The following ZNF106 variants were observed in gnomAD, a reference collection of about 807,000 sequenced individuals.
ZNF106 encodes the protein SH3-domain binding protein 3.
Under a neutral mutation model 195.1 loss-of-function variants are expected in ZNF106, and 67 were observed. The ratio of observed to expected loss-of-function variants is 0.34; its 90% CI spans 0.28 to 0.42. ZNF106 has a LOEUF of 0.42. Among genes scored for constraint, ZNF106 ranks in the 10% least tolerant of loss-of-function variants. The pLI is 1.00. For missense variants in ZNF106, 2,118 were observed against 2,304.5 expected, an observed-to-expected ratio of 0.92 and a Z score of 1.66; for synonymous variants, 784 against 818.6, an observed-to-expected ratio of 0.96 and a Z score of 0.72.
chr15:42,421,334 A>T lies in ZNF106; in HGVS notation c.5446-202T>A, dbSNP rs183219001. On this transcript the variant is annotated intron_variant, in intron 19 of 21. Coordinates refer to ENST00000564754, the MANE Select transcript of ZNF106 (RefSeq NM_001366845.3). ...TTGCAGCTGTGCTCCTTAGAAAGCCACTTGGGACCAGGGCAGAGAGGAGTG... is the reference window on the plus strand; with the variant it reads ...TTGCAGCTGTGCTCCTTAGAAAGCCTCTTGGGACCAGGGCAGAGAGGAGTG... Among the ~76,000 whole-genome samples the T allele has an allele frequency of 4.6e-5, 7 of 152,290 alleles. No individual in the cohort carries two copies. In the South Asian group the frequency reaches 6.2e-4, roughly 14 times the overall value.
At chr15:42,446,830 T>A (rs1201101307) in intron 6 of ZNF106, among the ~76,000 whole-genome samples, 172 bp from the exon 7 acceptor site, 1 of 152,128 alleles carries the variant, frequency 6.6e-6, no homozygotes, top group East Asian at 1.9e-4. Context: ...TTTAGTTGAA[T>A]AAACGTATCT....
intron 5 of ZNF106, 117 bp downstream of exon 5, chr15:42,449,654 C>G: frequency 7.4e-7 from 1 of 1,351,956 alleles, no homozygotes; most frequent in Non-Finnish European, 1.0e-6. Context: ...ACATCTACAA[C>G]AGATATTGTT....
intron 14 of ZNF106, among the ~76,000 whole-genome samples, chr15:42,432,318 T>C (rs764683427): frequency 7.9e-5 from 12 of 152,016 alleles, no homozygotes; most frequent in Non-Finnish European, 1.5e-4. Context: ...ATAACCACGC[T>C]TGCCTCATTT....
At chr15:42,448,737 A>C in intron 5 of ZNF106, 32 bp from the exon 6 acceptor site, 1 of 1,560,348 alleles carries the variant, frequency 6.4e-7, no homozygotes, top group Non-Finnish European at 8.6e-7. Flanking sequence ...GAAAACATAA[A>C]TTGGATATGG....
At chr15:42,445,002 G>T in intron 7 of ZNF106, 21 bp from the exon 8 acceptor site, 10 of 1,613,630 alleles carry the variant, frequency 6.2e-6, no homozygotes, top group Non-Finnish European at 8.5e-6. Context: ...AAATCATAAG[G>T]TTCAGGTTAA....
intron 14 of ZNF106, among the ~76,000 whole-genome samples, chr15:42,431,815 T>C (rs1373228806): frequency 3.9e-5 from 6 of 152,272 alleles, no homozygotes; most frequent in African/African-American, 1.2e-4. Flanking sequence ...GGTTTCGCCA[T>C]GTTGGCTAGG....
intron 14 of ZNF106, among the ~76,000 whole-genome samples, chr15:42,434,545 CTTT>C (rs1460858719): frequency 1.3e-5 from 2 of 152,154 alleles, no homozygotes; most frequent in South Asian, 2.1e-4. Context: ...CCTCCCCCTT[CTTT>C]ATGTTCCTGT....
At position 42,428,200 on chromosome 15, in the gene ZNF106, C is replaced by G. The variant is rs571791780; in HGVS notation, c.4882-66G>C. 4,923 of 1,347,710 alleles carry G rather than the reference C, an allele frequency of 3.7e-3. 17 individuals carry two copies. Among genetic ancestry groups the G allele is most frequent in the Non-Finnish European group, 4.4e-3 (4,197 of 955,108 alleles). The allele number at this position is 1,347,710 out of a possible 1,614,324, so 83.5% of individuals were successfully genotyped here. ...GCAAATGAGATGTCAAAAACAATTC[C>G]TCCAGAAAGCAGACTTTAAAATGAC... is the stretch of plus-strand genomic sequence containing the variant. On this transcript the variant is annotated intron_variant, in intron 14 of 21. Transcript: ENST00000564754.
chr15:42,458,541 C>T (rs1390223393), intron 3 of ZNF106, among the ~76,000 whole-genome samples: 5 of 151,944 alleles, frequency 3.3e-5, no homozygotes, highest in African/African-American at 9.7e-5. Context: ...AACCCTATCA[C>T]TACTAAAAAT....
chr15:42,414,635 C>G lies in ZNF106; in HGVS notation c.*2669G>C, dbSNP rs1359803917. 1 of 152,302 alleles carries G rather than the reference C, an allele frequency of 6.6e-6. No individual in the cohort carries two copies. Among genetic ancestry groups the G allele is most frequent in the Non-Finnish European group, 1.5e-5 (1 of 68,066 alleles). 9.4% of individuals were successfully genotyped at this position (152,302 alleles called of 1,614,324 possible). ...GTAATACTCTCAGAAGTTCCCACAA[C>G]TGCCCAACACCTCACCTACCCGTTT... On this transcript the variant is annotated 3_prime_UTR_variant, in exon 22 of 22. Coordinates refer to ENST00000564754, the MANE Select transcript of ZNF106 (RefSeq NM_001366845.3).
intron 10 of ZNF106, 22 bp downstream of exon 10, chr15:42,442,051 A>T: frequency 6.3e-7 from 1 of 1,582,394 alleles, no homozygotes; most frequent in Non-Finnish European, 8.6e-7. Context: ...GATGCCCTTA[A>T]CCCAGAGAAA....
In ZNF106 at chr15:42,448,767, T is replaced by A. The variant is rs985126081; in HGVS notation, c.2502-62A>T. ...ATATGGTTGTTGGGAGGGGCATTAT[T>A]TTTTAATGTGCCAGGCTCTCTCAAG... On this transcript the variant is annotated intron_variant, in intron 5 of 21. Coordinates refer to ENST00000564754, the MANE Select transcript of ZNF106 (RefSeq NM_001366845.3). 17 of 1,501,174 alleles carry A rather than the reference T, an allele frequency of 1.1e-5. No individual in the cohort carries two copies. The African/African-American group carries it at 2.4e-4, about 21-fold the overall frequency. 93.0% of individuals were successfully genotyped at this position (1,501,174 alleles called of 1,614,324 possible).
chr15:42,472,363 T>C, intron 1 of ZNF106, 42 bp from the exon 2 acceptor site: 1 of 1,419,916 alleles, frequency 7.0e-7, no homozygotes, highest in Non-Finnish European at 9.5e-7. Context: ...TTCTCCTCAG[T>C]ACCTTCTTAC....
chr15:42,433,183 G>A (rs1032213803), intron 14 of ZNF106, among the ~76,000 whole-genome samples: 9 of 151,900 alleles, frequency 5.9e-5, no homozygotes, highest in Non-Finnish European at 1.2e-4. Context: ...TCGGCTCACT[G>A]CAAGCTCCGC....
At chr15:42,423,380 AAAG>A (rs2054739030) in intron 17 of ZNF106, among the ~76,000 whole-genome samples, 1 of 151,300 alleles carries the variant, frequency 6.6e-6, no homozygotes, top group Non-Finnish European at 1.5e-5. Flanking sequence ...CAAAAAAAAA[AAAG>A]AAAGAAAGAA....
rs538746925 is a variant in ZNF106, at chr15:42,451,163, C to T, written c.1109G>A (p.Arg370His). ...CTGAGAAGGGTAAGGCGTCCAGCGACGAGGCTTTTCCCTTGCCGCACTGCC... is the reference window on the plus strand; with the variant it reads ...CTGAGAAGGGTAAGGCGTCCAGCGATGAGGCTTTTCCCTTGCCGCACTGCC... The part of the protein sequence containing the change: ...KNGSAAREKP[R>H]RWTPYPSQKT... The change falls in exon 5 of 22, where the codon CGT becomes CAT. Residue 370 changes from arginine (R) to histidine (H), a missense_variant. Arg to His is a conservative substitution (Grantham distance 29). Transcript: ENST00000564754. 9.3e-6 allele frequency: 15 copies of T among 1,614,148 alleles called. No homozygotes were observed. Among genetic ancestry groups the T allele is most frequent in the South Asian group, 2.2e-5 (2 of 91,072 alleles).
At position 42,435,121 on chromosome 15, in the gene ZNF106, T is replaced by C. The variant is rs16973251; in HGVS notation, c.4881+263A>G. On this transcript the variant is annotated intron_variant, in intron 14 of 21. Transcript: ENST00000564754. Reference sequence around the variant, plus strand: ...CTAGGATTAGTTTTGACATATGATATGCATAACATTTATGGCAAAGACCAA... The same window carrying C: ...CTAGGATTAGTTTTGACATATGATACGCATAACATTTATGGCAAAGACCAA... 5.1e-3 allele frequency among the ~76,000 whole-genome samples: 779 copies of C among 152,246 alleles called. 4 individuals are homozygous for C. The highest frequency in any genetic ancestry group is 0.018 in the African/African-American group (751 of 41,528).
intron 1 of ZNF106, among the ~76,000 whole-genome samples, chr15:42,486,884 C>T (rs999080750): frequency 1.3e-5 from 2 of 152,082 alleles, no homozygotes; most frequent in Non-Finnish European, 2.9e-5. Context: ...GGCACAGTGG[C>T]TCACGCCTGT....
chr15:42,464,439 G>A (rs750518105), intron 3 of ZNF106, among the ~76,000 whole-genome samples: 12 of 148,872 alleles, frequency 8.1e-5, no homozygotes, highest in Non-Finnish European at 1.8e-4. Flanking sequence ...CATCTATCTT[G>A]TTTCCAAACT....
Sources: allele counts gnomAD v4.1 joint callset (sites outside exome capture counted in the v4.1 genomes callset), GRCh38; gene constraint gnomAD v4.1.1; transcripts MANE v1.5; gene names NCBI Gene and HGNC (gene_info 2026-07-23, HGNC 2026-07-21).